Variants in LINGO2 observed in about 807,000 individuals in gnomAD.
The protein encoded by LINGO2 is leucine-rich repeat and immunoglobulin-like domain-containing nogo receptor-interacting protein 2.
A neutral mutation model predicts 30.6 loss-of-function variants in LINGO2; 14 were observed. The observed-to-expected ratio is 0.46, with a 90% CI of 0.30 to 0.72. LINGO2 has a LOEUF of 0.72. Among genes scored for constraint, LINGO2 ranks in the 30% least tolerant of loss-of-function variants. The pLI is 0.07. For synonymous variants in LINGO2, 317 were observed against 288.5 expected (o/e 1.10, Z -1.00); for missense variants, 729 against 751.7 (o/e 0.97, Z 0.35).
At chr9:28,581,880 T>C (rs1563840911) in intron 1 of LINGO2, among the ~76,000 whole-genome samples, 1 of 152,058 alleles carries the variant, frequency 6.6e-6, no homozygotes, top group Non-Finnish European at 1.5e-5. Flanking sequence ...ATAAGTGTGA[T>C]ATCATCACTG....
chr9:28,192,369 TTTAA>T (rs1383491653), intron 4 of LINGO2, among the ~76,000 whole-genome samples: 2 of 152,120 alleles, frequency 1.3e-5, no homozygotes, highest in African/African-American at 4.8e-5. Flanking sequence ...AATTAATTAA[TTTAA>T]TTAATTATTT....
chr9:27,963,666 T>C (rs771240337), intron 5 of LINGO2, among the ~76,000 whole-genome samples: 1 of 151,944 alleles, frequency 6.6e-6, no homozygotes, highest in Admixed American at 6.6e-5. Context: ...TAAGACTTTT[T>C]TGTTTTTTTG....
chr9:28,628,957 T>G (rs2135864899), intron 1 of LINGO2, among the ~76,000 whole-genome samples: 1 of 152,186 alleles, frequency 6.6e-6, no homozygotes, highest in South Asian at 2.1e-4. Flanking sequence ...AGTTTACCAT[T>G]CGTAAAAGCA....
At chr9:29,165,370 T>C in the LINGO2 span, among the ~76,000 whole-genome samples, 2 of 152,122 alleles carry the variant, frequency 1.3e-5, no homozygotes, top group African/African-American at 4.8e-5. Flanking sequence ...AAAGTGTCTG[T>C]TCTCATGGAG....
chr9:28,267,006 G>C (rs777004675), intron 4 of LINGO2, among the ~76,000 whole-genome samples: 1 of 152,018 alleles, frequency 6.6e-6, no homozygotes, highest in African/African-American at 2.4e-5. Context: ...TGTTACTCAT[G>C]GTTCCAGGGT....
intron 3 of LINGO2, among the ~76,000 whole-genome samples, chr9:28,367,460 T>C (rs1395720431): frequency 6.6e-6 from 1 of 152,114 alleles, no homozygotes; most frequent in African/African-American, 2.4e-5. Flanking sequence ...AGAACTTCAC[T>C]GATAACCTGG....
At chr9:28,563,593 T>C (rs1298191251) in intron 1 of LINGO2, among the ~76,000 whole-genome samples, 1 of 152,128 alleles carries the variant, frequency 6.6e-6, no homozygotes, top group Admixed American at 6.5e-5. Flanking sequence ...AAAGAACAAA[T>C]GCTTGATAGA....
At chr9:28,385,847 T>A (rs1821557385) in intron 2 of LINGO2, among the ~76,000 whole-genome samples, 1 of 152,110 alleles carries the variant, frequency 6.6e-6, no homozygotes, top group Non-Finnish European at 1.5e-5. Context: ...CATTTTGGAT[T>A]TATTAGGGAA....
chr9:29,113,668 T>C, the LINGO2 span, among the ~76,000 whole-genome samples: 2 of 152,160 alleles, frequency 1.3e-5, no homozygotes, highest in Non-Finnish European at 2.9e-5. Context: ...GAGGTTTCAA[T>C]AGAAATTTTA....
At chr9:28,146,749 T>C (rs1427820521) in intron 4 of LINGO2, among the ~76,000 whole-genome samples, 2 of 152,196 alleles carry the variant, frequency 1.3e-5, no homozygotes, top group Non-Finnish European at 2.9e-5. Flanking sequence ...TCATGTGTGG[T>C]GAATAGTTGA....
At chr9:28,913,486 C>G in the LINGO2 span, among the ~76,000 whole-genome samples, 2 of 151,862 alleles carry the variant, frequency 1.3e-5, no homozygotes, top group Non-Finnish European at 2.9e-5. Context: ...TTACGTTATA[C>G]AATATTATAT....
intron 4 of LINGO2, among the ~76,000 whole-genome samples, chr9:28,194,963 A>T (rs553374193): frequency 5.9e-5 from 9 of 152,092 alleles, no homozygotes; most frequent in Non-Finnish European, 7.4e-5. Flanking sequence ...ACATATTAGT[A>T]GTAGAGGATT....
intron 5 of LINGO2, among the ~76,000 whole-genome samples, chr9:27,983,559 T>C (rs1473466733): frequency 6.6e-6 from 1 of 151,862 alleles, no homozygotes; most frequent in Non-Finnish European, 1.5e-5. Flanking sequence ...TCATCCTGCA[T>C]CCCACTAACT....
At chr9:29,083,066 A>C in the LINGO2 span, among the ~76,000 whole-genome samples, 1 of 152,188 alleles carries the variant, frequency 6.6e-6, no homozygotes, top group Non-Finnish European at 1.5e-5. Context: ...CATTTGACCC[A>C]GCCATCCCAT....
chr9:29,058,499 G>T, the LINGO2 span, among the ~76,000 whole-genome samples: 1 of 151,928 alleles, frequency 6.6e-6, no homozygotes, highest in African/African-American at 2.4e-5. Context: ...GAAAAAATAT[G>T]TGTAACTGGT....
chr9:27,975,734 T>C (rs1820562228), intron 5 of LINGO2, among the ~76,000 whole-genome samples: 1 of 152,166 alleles, frequency 6.6e-6, no homozygotes, highest in South Asian at 2.1e-4. Context: ...ATGTCTTATT[T>C]CATAAAACTG....
At chr9:29,151,844 G>T in the LINGO2 span, among the ~76,000 whole-genome samples, 1 of 152,170 alleles carries the variant, frequency 6.6e-6, no homozygotes, top group South Asian at 2.1e-4. Context: ...GATCATTGAG[G>T]CAGAAAACAA....
the LINGO2 span, among the ~76,000 whole-genome samples, chr9:29,164,469 G>A: frequency 6.8e-6 from 1 of 147,610 alleles, no homozygotes; most frequent in Admixed American, 7.0e-5. Flanking sequence ...CACCTGGTGA[G>A]TTATTTTCAT....
chr9:28,423,669 C>T (rs1200011475), intron 2 of LINGO2, among the ~76,000 whole-genome samples: 2 of 152,012 alleles, frequency 1.3e-5, no homozygotes, highest in African/African-American at 2.4e-5. Context: ...AAAATATTCA[C>T]ATGTGAAGAA....
Sources: gnomAD v4.1 joint callset for allele counts (sites outside exome capture counted in the v4.1 genomes callset) on GRCh38, gnomAD v4.1.1 for gene constraint, MANE v1.5 for transcripts, NCBI Gene and HGNC (gene_info 2026-07-23, HGNC 2026-07-21) for gene names.